Variants in TMEM255B observed in about 807,000 individuals in gnomAD.
TMEM255B encodes family with sequence similarity 70, member B.
In TMEM255B, 35 loss-of-function variants were observed where a neutral mutation model predicts 34.5. That is an observed-to-expected ratio of 1.01 (90% confidence interval 0.77 to 1.34). The LOEUF (loss-of-function observed/expected upper bound fraction) is 1.34, where lower values mean the gene tolerates loss of function less well. Among genes scored for constraint, TMEM255B ranks in the 40% most tolerant of loss-of-function variants. The pLI, the probability that TMEM255B is intolerant of heterozygous loss-of-function variation, is 0.00. For synonymous variants in TMEM255B, 206 were observed against 201.2 expected, an observed-to-expected ratio of 1.02 and a Z score of -0.20; for missense variants, 432 against 433.2, an observed-to-expected ratio of 1.00 and a Z score of 0.02.
In TMEM255B at chr13:113,803,590, C is replaced by T. The variant is rs562278513; in HGVS notation, c.670-1295C>T. On this transcript the variant is annotated intron_variant, in intron 7 of 8. Transcript: ENST00000375353. ...CGCCCCGGCCCCATCCTCAGGCCAC[C>T]GCCAGCTCAGAGGCCTCCCCACCCC... Among the ~76,000 whole-genome samples, 14 of 119,740 alleles carry T rather than the reference C, an allele frequency of 1.2e-4. 1 individual carries two copies. In the South Asian group the frequency reaches 1.8e-3, roughly 15 times the overall value. 78.6% of individuals were successfully genotyped at this position (119,740 alleles called of 152,430 possible).
chr13:113,786,542 G>C (rs2050746589), intron 3 of TMEM255B, among the ~76,000 whole-genome samples: 1 of 144,546 alleles, frequency 6.9e-6, no homozygotes, highest in African/African-American at 2.5e-5. Context: ...CATCACCATT[G>C]TCACCATCGT....
intron 3 of TMEM255B, among the ~76,000 whole-genome samples, chr13:113,790,886 G>A (rs1402842428): frequency 6.6e-6 from 1 of 152,242 alleles, no homozygotes; most frequent in East Asian, 1.9e-4. Flanking sequence ...TGCTGCGCGT[G>A]GCCACACTCT....
chr13:113,766,952 A>G (rs2050402490), intron 2 of TMEM255B, among the ~76,000 whole-genome samples: 1 of 152,226 alleles, frequency 6.6e-6, no homozygotes, highest in Admixed American at 6.5e-5. Context: ...TGTCGTTAGT[A>G]AAAGAATTCT....
At position 113,812,671 on chromosome 13, in the gene TMEM255B, TGGAAACCAGCTTAGCTCCCCGC is replaced by T. The variant is rs1466525518; in HGVS notation, c.*771_*792del. 1 of 152,522 alleles carries T rather than the reference TGGAAACCAGCTTAGCTCCCCGC, an allele frequency of 6.6e-6. No homozygotes were observed. The highest frequency in any genetic ancestry group is 1.5e-5 in the Non-Finnish European group (1 of 68,272). 9.4% of individuals were successfully genotyped at this position (152,522 alleles called of 1,614,324 possible). On this transcript the variant is annotated 3_prime_UTR_variant, in exon 9 of 9. Coordinates refer to ENST00000375353, the MANE Select transcript of TMEM255B (RefSeq NM_182614.4). ...GGGTCTGGGGCCGCAGCACTCCCTG[TGGAAACCAGCTTAGCTCCCCGC>T]GGGCCCAGCATGCACCTGCCGGGCA...
In TMEM255B at chr13:113,794,384, G is replaced by A. The variant is rs186650403; in HGVS notation, c.253-764G>A. ...CACAGGCCCTCCCTCTGCTGTTACCGATGGGTTCTGCTTGTCACTGGGACC... is the reference window on the plus strand; with the variant it reads ...CACAGGCCCTCCCTCTGCTGTTACCAATGGGTTCTGCTTGTCACTGGGACC... On this transcript the variant is annotated intron_variant, in intron 3 of 8. Transcript: ENST00000375353. Among the ~76,000 whole-genome samples the A allele has an allele frequency of 3.9e-3, 598 of 151,966 alleles. 5 individuals are homozygous for A. The highest frequency in any genetic ancestry group is 0.012 in the African/African-American group (489 of 41,456).
chr13:113,774,182 A>AT (rs1235510913), intron 3 of TMEM255B, among the ~76,000 whole-genome samples: 3 of 150,406 alleles, frequency 2.0e-5, no homozygotes, highest in African/African-American at 7.4e-5. Flanking sequence ...GCATCATTTC[A>AT]TTTATAAAGA....
intron 5 of TMEM255B, chr13:113,800,042 C>G: frequency 3.3e-6 from 4 of 1,209,876 alleles, no homozygotes; most frequent in Non-Finnish European, 3.2e-6. Flanking sequence ...CTGGGACTCT[C>G]CAGCAGCTGC....
chr13:113,785,961 G>A (rs375048357), intron 3 of TMEM255B, among the ~76,000 whole-genome samples: 11 of 152,340 alleles, frequency 7.2e-5, no homozygotes, highest in South Asian at 2.1e-4. Flanking sequence ...CTCCAGTGGA[G>A]TCTGAGGCAG....
In TMEM255B at chr13:113,787,447, G is replaced by A. The variant is rs565468175; in HGVS notation, c.253-7701G>A. Among the ~76,000 whole-genome samples the A allele has an allele frequency of 5.3e-5, 8 of 152,290 alleles. No homozygotes were observed. The East Asian group carries it at 1.4e-3, about 26-fold the overall frequency. Reference sequence around the variant, plus strand: ...CTGAGTGGTGCGGCTTCTCTTCTCCGTTTGCTCACAGAAACCGATGATAGG... The same window carrying A: ...CTGAGTGGTGCGGCTTCTCTTCTCCATTTGCTCACAGAAACCGATGATAGG... On this transcript the variant is annotated intron_variant, in intron 3 of 8. Coordinates refer to ENST00000375353, the MANE Select transcript of TMEM255B (RefSeq NM_182614.4).
At chr13:113,802,792 G>C (rs1372783017) in intron 7 of TMEM255B, among the ~76,000 whole-genome samples, 1 of 148,320 alleles carries the variant, frequency 6.7e-6, no homozygotes, top group Non-Finnish European at 1.5e-5. Flanking sequence ...CAGCCCTCTG[G>C]CTCCCCACCC....
chr13:113,795,655 C>G (rs984413616), intron 4 of TMEM255B, among the ~76,000 whole-genome samples: 1 of 138,738 alleles, frequency 7.2e-6, no homozygotes, highest in Non-Finnish European at 1.5e-5. Context: ...AGCACACACA[C>G]AACAGAGCAC....
At chr13:113,795,692 GCA>G (rs1481067908) in intron 4 of TMEM255B, among the ~76,000 whole-genome samples, 1 of 123,974 alleles carries the variant, frequency 8.1e-6, no homozygotes, top group East Asian at 2.5e-4. Context: ...AGAGCACACA[GCA>G]CACACACCAA....
At chr13:113,762,291 G>A (rs184861921) in intron 1 of TMEM255B, among the ~76,000 whole-genome samples, 174 of 152,164 alleles carry the variant, frequency 1.1e-3, no homozygotes, top group African/African-American at 3.7e-3. Context: ...TTTATAGAAT[G>A]TGTTTAAGGT....
intron 3 of TMEM255B, among the ~76,000 whole-genome samples, chr13:113,786,613 C>T (rs1403162564): frequency 2.0e-5 from 3 of 152,092 alleles, no homozygotes; most frequent in Non-Finnish European, 2.9e-5. Flanking sequence ...CCATCACCGT[C>T]GTCACTGTTG....
At chr13:113,802,725 T>A (rs1189023975) in intron 7 of TMEM255B, among the ~76,000 whole-genome samples, 1 of 148,514 alleles carries the variant, frequency 6.7e-6, no homozygotes, top group Non-Finnish European at 1.5e-5. Context: ...TTCTCAACAC[T>A]TTTGTGCTTC....
rs1224645717 is a variant in TMEM255B, at chr13:113,812,248, C to T, written c.*345C>T. On this transcript the variant is annotated 3_prime_UTR_variant, in exon 9 of 9. Transcript: ENST00000375353. ...TGATTTTGCAAAGACAGTGCAGCCC[C>T]GGCCTCCCTGCCTGTGTGTTCTTGT... The T allele has an allele frequency of 5.3e-5, 16 of 303,510 alleles. No homozygotes were observed. Among genetic ancestry groups the T allele is most frequent in the African/African-American group, 1.3e-4 (6 of 44,780 alleles). The allele number at this position is 303,510 out of a possible 1,614,324, so 18.8% of individuals were successfully genotyped here.
chr13:113,797,593 A>G (rs925497000), intron 4 of TMEM255B, among the ~76,000 whole-genome samples: 1 of 152,224 alleles, frequency 6.6e-6, no homozygotes, highest in African/African-American at 2.4e-5. Context: ...AGGGGAAGAT[A>G]AACACCCAGA....
At position 113,816,185 on chromosome 13, in the gene TMEM255B, A is replaced by G; in HGVS notation, c.*4282A>G. On this transcript the variant is annotated 3_prime_UTR_variant, in exon 9 of 9. Transcript: ENST00000375353. ...GACACGAGTTCTTTTCGGGGAGGCA[A>G]GCGTGTTTGCAGCGTGTTCTGGATG... 6.7e-6 allele frequency: 1 copy of G among 149,636 alleles called. No homozygotes were observed. The highest frequency in any genetic ancestry group is 1.4e-5 in the Non-Finnish European group (1 of 69,712). The allele number at this position is 149,636 out of a possible 1,614,324, so 9.3% of individuals were successfully genotyped here. A position where few individuals can be genotyped will look rare whatever the true frequency, so the allele number is the denominator to read the frequency against.
chr13:113,798,613 A>T (rs2050985297), intron 4 of TMEM255B, among the ~76,000 whole-genome samples: 1 of 150,942 alleles, frequency 6.6e-6, no homozygotes, highest in South Asian at 2.1e-4. Flanking sequence ...GATGGATGGA[A>T]GGATGGATGA....
Sources: gnomAD v4.1 joint callset for allele counts (sites outside exome capture counted in the v4.1 genomes callset) on GRCh38, gnomAD v4.1.1 for gene constraint, MANE v1.5 for transcripts, NCBI Gene and HGNC (gene_info 2026-07-23, HGNC 2026-07-21) for gene names.